HS6ST3: variants seen among roughly 807,000 people sequenced by gnomAD.
The protein encoded by HS6ST3 is heparan sulfate 6-O-sulfotransferase 3, also known as heparan-sulfate 6-O-sulfotransferase 3.
In HS6ST3, 12 loss-of-function variants were observed where a neutral mutation model predicts 36.7. That is an observed-to-expected ratio of 0.33 (90% confidence interval 0.21 to 0.53). The LOEUF is 0.53. Ranked by LOEUF, HS6ST3 falls within the 20% of genes least tolerant of loss-of-function variation. The pLI, the probability that HS6ST3 is intolerant of heterozygous loss-of-function variation, is 0.95. For synonymous variants in HS6ST3, 240 were observed against 257.5 expected (o/e 0.93, Z 0.65); for missense variants, 584 against 640.9 (o/e 0.91, Z 0.96).
intron 1 of HS6ST3, among the ~76,000 whole-genome samples, chr13:96,144,095 G>T (rs1159626353): frequency 6.6e-6 from 1 of 152,134 alleles, no homozygotes; most frequent in Non-Finnish European, 1.5e-5. Flanking sequence ...CCCTGCTGTT[G>T]CTTAACCATA....
intron 1 of HS6ST3, among the ~76,000 whole-genome samples, chr13:96,167,334 C>G (rs1183943911): frequency 6.6e-6 from 1 of 152,184 alleles, no homozygotes; most frequent in Non-Finnish European, 1.5e-5. Context: ...ATATCTTTAA[C>G]TCATCTTTTT....
chr13:96,147,777 AAATGAATG>A (rs373348066), intron 1 of HS6ST3, among the ~76,000 whole-genome samples: 16 of 152,270 alleles, frequency 1.1e-4, no homozygotes, highest in Middle Eastern at 3.4e-3. Context: ...ACAATTTGGA[AAATGAATG>A]AATGAATGAA....
intron 1 of HS6ST3, among the ~76,000 whole-genome samples, chr13:96,703,046 C>T (rs1431367830): frequency 6.6e-6 from 1 of 152,170 alleles, no homozygotes; most frequent in African/African-American, 2.4e-5. Flanking sequence ...TATAGAATCT[C>T]CAAGGCCAGG....
At chr13:96,507,613 C>T (rs1036861813) in intron 1 of HS6ST3, among the ~76,000 whole-genome samples, 4 of 151,978 alleles carry the variant, frequency 2.6e-5, no homozygotes, top group Non-Finnish European at 4.4e-5. Context: ...CTCATAAGAA[C>T]GGCTCCAGTC....
rs748194459 is a variant in HS6ST3, at chr13:96,091,202, G to A, written c.340G>A (p.Ala114Thr). Reference protein sequence around the residue: ...EEEEDEPDPEAPENGSLPRFV... With the variant: ...EEEEDEPDPETPENGSLPRFV... ...GGAGGAAGACGAGCCGGACCCCGAG[G>A]CCCCGGAAAACGGCTCCCTGCCCCG... is the stretch of plus-strand genomic sequence containing the variant. Residue 114 changes from alanine (A) to threonine (T), a missense_variant, in exon 1 of 2, where the codon GCC becomes ACC. Around this residue, in one of 3 missense-constraint regions of HS6ST3, gnomAD observed 217 missense variants for 205.4 expected, o/e 1.06. Transcript: ENST00000376705. 1 of 1,560,784 alleles carries A rather than the reference G, an allele frequency of 6.4e-7. No homozygotes were observed. Among genetic ancestry groups the A allele is most frequent in the South Asian group, 1.2e-5 (1 of 85,106 alleles).
At chr13:96,486,223 T>C (rs994299617) in intron 1 of HS6ST3, among the ~76,000 whole-genome samples, 1 of 152,100 alleles carries the variant, frequency 6.6e-6, no homozygotes, top group Non-Finnish European at 1.5e-5. Context: ...CATAGTATTC[T>C]ATGGTGTATA....
chr13:96,212,629 T>C (rs1233798152), intron 1 of HS6ST3, among the ~76,000 whole-genome samples: 1 of 152,170 alleles, frequency 6.6e-6, no homozygotes, highest in Non-Finnish European at 1.5e-5. Context: ...CACTTGAAGC[T>C]AGGAGTTTGA....
At chr13:96,608,107 AATG>A (rs1426257972) in intron 1 of HS6ST3, among the ~76,000 whole-genome samples, 1 of 152,208 alleles carries the variant, frequency 6.6e-6, no homozygotes, top group Non-Finnish European at 1.5e-5. Context: ...TTGCGTTCAT[AATG>A]ATATTTAAAA....
chr13:96,530,326 C>T (rs2056130739), intron 1 of HS6ST3, among the ~76,000 whole-genome samples: 1 of 152,124 alleles, frequency 6.6e-6, no homozygotes, highest in Non-Finnish European at 1.5e-5. Flanking sequence ...ATAGTGAATG[C>T]AGTCACTCAG....
At chr13:96,134,167 C>A (rs1442599225) in intron 1 of HS6ST3, among the ~76,000 whole-genome samples, 1 of 152,038 alleles carries the variant, frequency 6.6e-6, no homozygotes, top group Non-Finnish European at 1.5e-5. Context: ...CAGCCCCTTG[C>A]TGTTTTGATT....
At chr13:96,133,242 C>T (rs545109219) in intron 1 of HS6ST3, among the ~76,000 whole-genome samples, 17 of 152,270 alleles carry the variant, frequency 1.1e-4, no homozygotes, top group African/African-American at 1.4e-4. Context: ...GATTCTCCTG[C>T]GTCAGCCTCC....
At chr13:96,718,326 C>A (rs1875755107) in intron 1 of HS6ST3, among the ~76,000 whole-genome samples, 1 of 152,138 alleles carries the variant, frequency 6.6e-6, no homozygotes. Flanking sequence ...CATTTTTGTG[C>A]AGGCCTCAGA....
chr13:96,787,717 G>A (rs1368293967), intron 1 of HS6ST3, among the ~76,000 whole-genome samples: 6 of 151,916 alleles, frequency 3.9e-5, no homozygotes, highest in South Asian at 2.1e-4. Context: ...TAGCTTGTCA[G>A]TTCTTCCTCT....
At chr13:96,276,878 C>G (rs1442821896) in intron 1 of HS6ST3, among the ~76,000 whole-genome samples, 1 of 152,276 alleles carries the variant, frequency 6.6e-6, no homozygotes, top group East Asian at 1.9e-4. Context: ...TATTAGTTTG[C>G]TTTGGCCACG....
At chr13:96,794,102 G>A (rs1004618948) in intron 1 of HS6ST3, among the ~76,000 whole-genome samples, 1 of 151,980 alleles carries the variant, frequency 6.6e-6, no homozygotes, top group Admixed American at 6.6e-5. Context: ...GACTACTTTT[G>A]TTTCTACTGA....
intron 1 of HS6ST3, among the ~76,000 whole-genome samples, chr13:96,125,824 C>T (rs1207825029): frequency 6.6e-6 from 1 of 151,102 alleles, no homozygotes; most frequent in Admixed American, 6.6e-5. Context: ...TACATGTGCA[C>T]AATGTGCAGG....
chr13:96,298,684 A>G (rs548365708), intron 1 of HS6ST3, among the ~76,000 whole-genome samples: 2 of 152,306 alleles, frequency 1.3e-5, no homozygotes, highest in South Asian at 2.1e-4. Context: ...ACTGAACTCC[A>G]TTTCAGCTTT....
At chr13:96,157,269 T>G (rs918478870) in intron 1 of HS6ST3, among the ~76,000 whole-genome samples, 2 of 152,232 alleles carry the variant, frequency 1.3e-5, no homozygotes, top group Non-Finnish European at 2.9e-5. Flanking sequence ...GAGCTTAGCT[T>G]CTTCTCCCCA....
intron 1 of HS6ST3, among the ~76,000 whole-genome samples, chr13:96,608,357 C>T (rs2056446140): frequency 3.3e-5 from 5 of 152,300 alleles, no homozygotes; most frequent in South Asian, 4.1e-4. Context: ...TGAATATGGG[C>T]ATTTAGCACA....
Sources: allele counts gnomAD v4.1 joint callset (sites outside exome capture counted in the v4.1 genomes callset), GRCh38; gene constraint gnomAD v4.1.1; regional missense constraint gnomAD v4.1.1; transcripts MANE v1.5; gene names NCBI Gene and HGNC (gene_info 2026-07-23, HGNC 2026-07-21).